Variants in ANO2 observed in about 807,000 individuals in gnomAD.
ANO2 encodes anoctamin 2, also known as anoctamin-2.
ANO2 carries 101 observed loss-of-function variants against 124.2 expected under a neutral mutation model. The ratio of observed to expected loss-of-function variants is 0.81; its 90% CI spans 0.69 to 0.96. The LOEUF is 0.96. Among genes scored for constraint, ANO2 ranks in the 40% least tolerant of loss-of-function variants. The pLI is 0.00. For missense variants in ANO2, 1,293 were observed against 1,274.5 expected, an observed-to-expected ratio of 1.01 and a Z score of -0.22; for synonymous variants, 486 against 482.5, an observed-to-expected ratio of 1.01 and a Z score of -0.09.
chr12:5,877,037 A>G (rs1938151976), intron 3 of ANO2, among the ~76,000 whole-genome samples: 2 of 152,206 alleles, frequency 1.3e-5, no homozygotes, highest in African/African-American at 4.8e-5. Context: ...GTAAAGAGCA[A>G]ATGGTTATTG....
intron 20 of ANO2, among the ~76,000 whole-genome samples, chr12:5,587,819 C>A (rs780637561): frequency 6.6e-6 from 1 of 152,176 alleles, no homozygotes; most frequent in Non-Finnish European, 1.5e-5. Context: ...GCTCCCCACC[C>A]CCATGCACCT....
chr12:5,679,653 G>A (rs1203598146), intron 14 of ANO2, among the ~76,000 whole-genome samples: 1 of 152,198 alleles, frequency 6.6e-6, no homozygotes, highest in African/African-American at 2.4e-5. Context: ...TGTTGGTGAG[G>A]TTAGGAAGAA....
intron 3 of ANO2, among the ~76,000 whole-genome samples, chr12:5,893,589 C>T (rs1041765008): frequency 2.0e-5 from 3 of 151,446 alleles, no homozygotes; most frequent in African/African-American, 7.3e-5. Context: ...TTGCTGTACC[C>T]ATCAACTCAT....
chr12:5,656,526 T>G (rs1310198011), intron 14 of ANO2, among the ~76,000 whole-genome samples: 1 of 152,204 alleles, frequency 6.6e-6, no homozygotes, highest in Non-Finnish European at 1.5e-5. Flanking sequence ...CTTCCTCTCC[T>G]GTCCATTCGT....
chr12:5,752,700 C>T (rs1028180715), intron 10 of ANO2, among the ~76,000 whole-genome samples: 1 of 152,096 alleles, frequency 6.6e-6, no homozygotes, highest in Non-Finnish European at 1.5e-5. Context: ...TTGATTGTTT[C>T]CTTTGCTGTG....
At chr12:5,730,128 A>T (rs1163669682) in intron 14 of ANO2, among the ~76,000 whole-genome samples, 2 of 152,110 alleles carry the variant, frequency 1.3e-5, no homozygotes, top group Non-Finnish European at 2.9e-5. Context: ...GTGCATATAT[A>T]AAAATATGCA....
intron 10 of ANO2, among the ~76,000 whole-genome samples, chr12:5,779,943 G>A (rs558668847): frequency 1.2e-3 from 178 of 151,940 alleles, no homozygotes; most frequent in African/African-American, 3.1e-3. Context: ...GTTGATTCTC[G>A]GACTAAAAAA....
intron 3 of ANO2, among the ~76,000 whole-genome samples, chr12:5,869,189 T>C (rs1955507802): frequency 6.6e-6 from 1 of 152,100 alleles, no homozygotes; most frequent in Admixed American, 6.6e-5. Flanking sequence ...CAAGGCTCGC[T>C]TCCAAAGTCC....
At chr12:5,685,460 T>C (rs1948664097) in intron 14 of ANO2, among the ~76,000 whole-genome samples, 1 of 152,174 alleles carries the variant, frequency 6.6e-6, no homozygotes, top group Non-Finnish European at 1.5e-5. Context: ...ATGCCACCTC[T>C]GCCCAACTGG....
intron 15 of ANO2, among the ~76,000 whole-genome samples, chr12:5,637,637 C>G (rs1946093797): frequency 6.6e-6 from 1 of 152,140 alleles, no homozygotes; most frequent in African/African-American, 2.4e-5. Flanking sequence ...GACCTGGAAC[C>G]TGCATTGTAA....
intron 24 of ANO2, among the ~76,000 whole-genome samples, chr12:5,565,168 C>G (rs1487333347): frequency 1.3e-5 from 2 of 152,112 alleles, no homozygotes; most frequent in African/African-American, 4.8e-5. Flanking sequence ...AAGAAAGGTT[C>G]CAAACCTGAG....
chr12:5,740,133 C>T (rs1322496352), intron 12 of ANO2: 1 of 377,592 alleles, frequency 2.6e-6, no homozygotes, highest in Non-Finnish European at 5.3e-6. Context: ...ACGAGCACAA[C>T]CCTACAGCCA....
At position 5,922,601 on chromosome 12, in the gene ANO2, A is replaced by ACCCCCC; in HGVS notation, c.207+18_207+19insGGGGGG. The stretch of plus-strand genomic sequence containing the variant: ...CAGGGCTGGCCTATCCCCCCACCCC[A>ACCCCCC]CCCCCGCCCAGTACTCACAGAGCTG... On this transcript the variant is annotated intron_variant, in intron 2 of 24. Coordinates refer to ENST00000682330, the MANE Select transcript of ANO2 (RefSeq NM_001364791.2). 2 of 861,480 alleles carry ACCCCCC rather than the reference A, an allele frequency of 2.3e-6. No individual in the cohort carries two copies. The highest frequency in any genetic ancestry group is 3.4e-6 in the Non-Finnish European group (2 of 596,378). 53.4% of individuals were successfully genotyped at this position (861,480 alleles called of 1,614,324 possible). A position where few individuals can be genotyped will look rare whatever the true frequency, so the allele number is the denominator to read the frequency against.
chr12:5,895,333 T>C (rs912016827), intron 3 of ANO2, among the ~76,000 whole-genome samples: 1 of 152,220 alleles, frequency 6.6e-6, no homozygotes, highest in Non-Finnish European at 1.5e-5. Context: ...TTTTTGCACA[T>C]TGATTTTATA....
At chr12:5,614,619 C>T (rs1944705126) in intron 17 of ANO2, among the ~76,000 whole-genome samples, 4 of 152,192 alleles carry the variant, frequency 2.6e-5, no homozygotes, top group Admixed American at 1.3e-4. Context: ...CCCTCTACTA[C>T]TATAAAACTT....
At chr12:5,638,807 T>C (rs1378489360) in intron 15 of ANO2, among the ~76,000 whole-genome samples, 1 of 152,072 alleles carries the variant, frequency 6.6e-6, no homozygotes, top group Non-Finnish European at 1.5e-5. Flanking sequence ...CTTTTGGTGT[T>C]TTAATATCAT....
intron 20 of ANO2, among the ~76,000 whole-genome samples, chr12:5,596,018 C>T (rs1943641897): frequency 1.3e-5 from 2 of 152,168 alleles, no homozygotes; most frequent in Admixed American, 1.3e-4. Context: ...TAAAATGAAT[C>T]AAGAACCATA....
At chr12:5,765,570 G>A (rs1473442057) in intron 10 of ANO2, among the ~76,000 whole-genome samples, 1 of 152,178 alleles carries the variant, frequency 6.6e-6, no homozygotes, top group African/African-American at 2.4e-5. Context: ...TGCCTCTGCT[G>A]TTTCCTAACT....
chr12:5,850,463 T>C (rs1954849663), intron 4 of ANO2, among the ~76,000 whole-genome samples: 1 of 148,588 alleles, frequency 6.7e-6, no homozygotes, highest in South Asian at 2.1e-4. Flanking sequence ...TCTGGGGCCA[T>C]GTGGTAAAAG....
Sources: allele counts gnomAD v4.1 joint callset (sites outside exome capture counted in the v4.1 genomes callset), GRCh38; gene constraint gnomAD v4.1.1; transcripts MANE v1.5; gene names NCBI Gene and HGNC (gene_info 2026-07-23, HGNC 2026-07-21).